CNTN4: variants seen among roughly 807,000 people sequenced by gnomAD.
The protein encoded by CNTN4 is contactin-4.
Under a neutral mutation model 122.5 loss-of-function variants are expected in CNTN4, and 77 were observed. That is an observed-to-expected ratio of 0.63 (90% CI 0.52 to 0.76). The LOEUF (loss-of-function observed/expected upper bound fraction) is 0.76. Ranked by LOEUF, CNTN4 falls within the 30% of genes least tolerant of loss-of-function variation. The pLI is 0.00. For synonymous variants in CNTN4, 512 were observed against 447.0 expected (o/e 1.15, Z -1.83); for missense variants, 1,256 against 1,259.1 (o/e 1.00, Z 0.04).
intron 4 of CNTN4, among the ~76,000 whole-genome samples, chr3:2,689,957 G>T (rs996361000): frequency 6.6e-6 from 1 of 151,992 alleles, no homozygotes; most frequent in Non-Finnish European, 1.5e-5. Flanking sequence ...TTTTCATTAT[G>T]CCCAAAAACT....
At chr3:2,941,854 C>T (rs549583556) in intron 13 of CNTN4, among the ~76,000 whole-genome samples, 25 of 152,190 alleles carry the variant, frequency 1.6e-4, no homozygotes, top group Admixed American at 1.2e-3. Flanking sequence ...GTTTCATTTC[C>T]CCTCCCTTAC....
intron 3 of CNTN4, among the ~76,000 whole-genome samples, chr3:2,407,552 A>G (rs2047083055): frequency 6.6e-6 from 1 of 152,178 alleles, no homozygotes. Flanking sequence ...AGAACACTGG[A>G]GAGGGATTTG....
chr3:2,600,123 A>C (rs1313092252), intron 4 of CNTN4, among the ~76,000 whole-genome samples: 1 of 130,954 alleles, frequency 7.6e-6, no homozygotes, highest in African/African-American at 2.9e-5. Flanking sequence ...TCCAGGGTTT[A>C]TTCAAATACC....
intron 4 of CNTN4, among the ~76,000 whole-genome samples, chr3:2,602,982 G>A (rs2081110729): frequency 6.6e-6 from 1 of 152,100 alleles, no homozygotes; most frequent in Non-Finnish European, 1.5e-5. Context: ...CTCTCAGGGT[G>A]GCTTAGGTGG....
chr3:2,291,153 T>G (rs890344743), intron 2 of CNTN4, among the ~76,000 whole-genome samples: 2 of 152,180 alleles, frequency 1.3e-5, no homozygotes, highest in African/African-American at 2.4e-5. Flanking sequence ...TCTTATTTCT[T>G]TGCTTGGATT....
At chr3:2,271,625 A>G (rs999155013) in intron 2 of CNTN4, among the ~76,000 whole-genome samples, 1 of 152,152 alleles carries the variant, frequency 6.6e-6, no homozygotes, top group Non-Finnish European at 1.5e-5. Flanking sequence ...AATAGCCAAG[A>G]AAACAGCCAA....
intron 5 of CNTN4, among the ~76,000 whole-genome samples, chr3:2,736,600 A>T (rs1434989330): frequency 6.6e-6 from 1 of 151,122 alleles, no homozygotes; most frequent in Non-Finnish European, 1.5e-5. Flanking sequence ...AGTAGCTGGA[A>T]TTACAGGCAT....
intron 7 of CNTN4, among the ~76,000 whole-genome samples, chr3:2,824,459 A>AAAAAAC (rs374213312): frequency 2.0e-5 from 3 of 151,440 alleles, no homozygotes; most frequent in East Asian, 2.0e-4. Flanking sequence ...TCTGGCTCAA[A>AAAAAAC]AAAAACAAAA....
At chr3:2,913,699 G>A (rs1603892) in intron 12 of CNTN4, among the ~76,000 whole-genome samples, 77,426 of 151,726 alleles carry the variant, frequency 0.51, 19,874 homozygotes, top group East Asian at 0.65. Flanking sequence ...AGAAATAGCA[G>A]CACAATAGTA....
chr3:2,154,622 C>T (rs2149138591), intron 2 of CNTN4, among the ~76,000 whole-genome samples: 1 of 152,254 alleles, frequency 6.6e-6, no homozygotes, highest in Admixed American at 6.5e-5. Context: ...ACTTTTACTT[C>T]CTTAGATCTC....
chr3:2,197,788 G>A (rs1026592968), intron 2 of CNTN4, among the ~76,000 whole-genome samples: 2 of 152,170 alleles, frequency 1.3e-5, no homozygotes, highest in African/African-American at 4.8e-5. Flanking sequence ...GGCTGAGGCA[G>A]TTGGATCACT....
chr3:2,186,547 G>T (rs954110505), intron 2 of CNTN4, among the ~76,000 whole-genome samples: 18 of 152,124 alleles, frequency 1.2e-4, no homozygotes, highest in African/African-American at 4.1e-4. Flanking sequence ...AGTCCCACCA[G>T]CAGTGTAAAA....
chr3:2,182,329 C>T (rs748658925), intron 2 of CNTN4, among the ~76,000 whole-genome samples: 4 of 151,478 alleles, frequency 2.6e-5, no homozygotes, highest in Non-Finnish European at 5.9e-5. Context: ...CTTGGATATC[C>T]AAAAAAAGAT....
chr3:2,449,559 G>A (rs1169288275), intron 3 of CNTN4, among the ~76,000 whole-genome samples: 1 of 147,900 alleles, frequency 6.8e-6, no homozygotes, highest in Non-Finnish European at 1.5e-5. Context: ...AGGTTGCAGT[G>A]ATCTGAGATC....
At chr3:2,661,766 G>A (rs1344592138) in intron 4 of CNTN4, among the ~76,000 whole-genome samples, 1 of 131,748 alleles carries the variant, frequency 7.6e-6, no homozygotes. Flanking sequence ...GAACCGAGAC[G>A]CCATTGCACT....
chr3:2,486,555 T>C (rs1377878079), intron 3 of CNTN4, among the ~76,000 whole-genome samples: 1 of 152,174 alleles, frequency 6.6e-6, no homozygotes, highest in African/African-American at 2.4e-5. Flanking sequence ...TTTATTGAAG[T>C]CTACTGTGTT....
Position 2,673,969 on chromosome 3 carries a change from G to A in CNTN4, c.56-62246G>A, listed in dbSNP as rs1303285835. On this transcript the variant is annotated intron_variant, in intron 4 of 24. Transcript: ENST00000418658. ...GAGAGCCCATGTGGAAGAGGACAGAGGCAACCCAGCAGACTGCCAGCACCA... is the reference window on the plus strand; with the variant it reads ...GAGAGCCCATGTGGAAGAGGACAGAAGCAACCCAGCAGACTGCCAGCACCA... 3.3e-5 allele frequency among the ~76,000 whole-genome samples: 5 copies of A among 152,200 alleles called. No homozygotes were observed. The East Asian group carries it at 9.6e-4, about 29-fold the overall frequency.
At chr3:2,868,277 C>T (rs1484000543) in intron 8 of CNTN4, among the ~76,000 whole-genome samples, 1 of 152,180 alleles carries the variant, frequency 6.6e-6, no homozygotes, top group Non-Finnish European at 1.5e-5. Flanking sequence ...AACTGGGGCT[C>T]AGCCACATTT....
intron 23 of CNTN4, among the ~76,000 whole-genome samples, chr3:3,053,497 T>C (rs1458436630): frequency 6.6e-6 from 1 of 152,206 alleles, no homozygotes; most frequent in Non-Finnish European, 1.5e-5. Context: ...GCACTGTACA[T>C]CCTTAAGGAG....
Sources: allele counts gnomAD v4.1 joint callset (sites outside exome capture counted in the v4.1 genomes callset), GRCh38; gene constraint gnomAD v4.1.1; transcripts MANE v1.5; gene names NCBI Gene and HGNC (gene_info 2026-07-23, HGNC 2026-07-21).